The following RASAL2 variants were observed in gnomAD, a reference collection of about 807,000 sequenced individuals.
RASAL2 encodes the protein ras GTPase-activating protein nGAP.
RASAL2 carries 58 observed loss-of-function variants against 128.9 expected under a neutral mutation model. That is an observed-to-expected ratio of 0.45 (90% confidence interval 0.36 to 0.56). The LOEUF (loss-of-function observed/expected upper bound fraction) is 0.56. RASAL2 is among the 20% of genes least tolerant of loss of function. The probability of loss-of-function intolerance (pLI) is 0.00; values close to 1 mark genes in which losing one functional copy is unlikely to be tolerated. For missense variants in RASAL2, 1,360 were observed against 1,601.6 expected, an observed-to-expected ratio of 0.85 and a Z score of 2.57; for synonymous variants, 561 against 580.8, an observed-to-expected ratio of 0.97 and a Z score of 0.49.
chr1:178,320,563 C>T lies in RASAL2; in HGVS notation c.457+20445C>T, dbSNP rs566503490. ...TGGGAGTGACCTGATTTTCCAGGTG[C>T]GTCCGTCACCCCTTTCTTTGACTGG... is the stretch of plus-strand genomic sequence containing the variant. On this transcript the variant is annotated intron_variant, in intron 3 of 17. Transcript: ENST00000367649. 5.9e-5 allele frequency among the ~76,000 whole-genome samples: 9 copies of T among 152,312 alleles called. No homozygotes were observed. The East Asian group carries it at 1.5e-3, about 26-fold the overall frequency.
At chr1:178,220,992 T>G (rs1663595555) in intron 1 of RASAL2, among the ~76,000 whole-genome samples, 3 of 152,242 alleles carry the variant, frequency 2.0e-5, no homozygotes, top group Admixed American at 2.0e-4. Context: ...TTAAAGAAAC[T>G]GCCAAATCGT....
At chr1:178,273,173 T>A (rs1015967577) in intron 1 of RASAL2, among the ~76,000 whole-genome samples, 2 of 152,156 alleles carry the variant, frequency 1.3e-5, no homozygotes, top group East Asian at 1.9e-4. Flanking sequence ...TCTTCTAAGA[T>A]AATGGAAAAG....
chr1:178,354,835 T>A (rs1387017049), intron 3 of RASAL2, among the ~76,000 whole-genome samples: 1 of 152,242 alleles, frequency 6.6e-6, no homozygotes, highest in African/African-American at 2.4e-5. Context: ...ATATACTACG[T>A]TTCTGGAGTT....
At chr1:178,160,310 G>A (rs1661234165) in intron 1 of RASAL2, among the ~76,000 whole-genome samples, 1 of 152,136 alleles carries the variant, frequency 6.6e-6, no homozygotes, top group South Asian at 2.1e-4. Context: ...ATTAAGATCA[G>A]GTTGGTAATA....
intron 1 of RASAL2, among the ~76,000 whole-genome samples, chr1:178,116,185 A>G (rs760182383): frequency 6.6e-6 from 1 of 152,182 alleles, no homozygotes; most frequent in Non-Finnish European, 1.5e-5. Context: ...CTGAATTTCT[A>G]TTAAACTTTG....
At chr1:178,416,147 G>A (rs768430165) in intron 4 of RASAL2, among the ~76,000 whole-genome samples, 8 of 151,956 alleles carry the variant, frequency 5.3e-5, no homozygotes, top group Admixed American at 2.6e-4. Flanking sequence ...GTCTTCCACT[G>A]TTTATAACCT....
At chr1:178,469,771 C>T (rs1648093316) in intron 17 of RASAL2, among the ~76,000 whole-genome samples, 1 of 152,200 alleles carries the variant, frequency 6.6e-6, no homozygotes, top group Admixed American at 6.5e-5. Flanking sequence ...AAGGACCACA[C>T]TCTCAACTAA....
At chr1:178,399,715 C>G (rs1452077777) in intron 4 of RASAL2, among the ~76,000 whole-genome samples, 1 of 152,192 alleles carries the variant, frequency 6.6e-6, no homozygotes, top group Admixed American at 6.5e-5. Context: ...TATAATAGTA[C>G]GTTTAATGAC....
intron 1 of RASAL2, among the ~76,000 whole-genome samples, chr1:178,192,924 T>C (rs1662539595): frequency 6.6e-6 from 1 of 152,082 alleles, no homozygotes; most frequent in Non-Finnish European, 1.5e-5. Context: ...TATGTGCACA[T>C]TTCCAGTTCC....
rs111613283 is a variant in RASAL2 at position 178,238,303 on chromosome 1, A to G, written c.203-45261A>G. 2.9e-4 allele frequency among the ~76,000 whole-genome samples: 44 copies of G among 152,270 alleles called. No homozygotes were observed. In the South Asian group the frequency reaches 6.2e-3, roughly 22 times the overall value. Reference sequence around the variant, plus strand: ...TGTATGGATATACTATATTTCATTTATACATTCATCATTTGGTGGACATTT... The same window carrying G: ...TGTATGGATATACTATATTTCATTTGTACATTCATCATTTGGTGGACATTT... On this transcript the variant is annotated intron_variant, in intron 1 of 17. Transcript: ENST00000367649.
At chr1:178,415,657 A>G (rs1215888689) in intron 4 of RASAL2, among the ~76,000 whole-genome samples, 1 of 152,100 alleles carries the variant, frequency 6.6e-6, no homozygotes, top group Non-Finnish European at 1.5e-5. Context: ...CATTTCTGAT[A>G]GATAGGTGTG....
intron 1 of RASAL2, among the ~76,000 whole-genome samples, chr1:178,227,317 A>C (rs1204204784): frequency 6.6e-6 from 1 of 152,104 alleles, no homozygotes; most frequent in Non-Finnish European, 1.5e-5. Context: ...TTATTCCCCT[A>C]ACTCCATCTT....
intron 3 of RASAL2, among the ~76,000 whole-genome samples, chr1:178,326,012 G>A (rs1431876213): frequency 1.3e-5 from 2 of 152,058 alleles, no homozygotes; most frequent in African/African-American, 4.8e-5. Context: ...GATCACTTGA[G>A]CCCAGGAGTT....
chr1:178,279,081 AT>A (rs1402900444), intron 1 of RASAL2, among the ~76,000 whole-genome samples: 22 of 152,310 alleles, frequency 1.4e-4, no homozygotes, highest in African/African-American at 5.1e-4. Context: ...ATGACTTAGT[AT>A]TTTGAATGCT....
rs529766147 is a variant in RASAL2 at position 178,407,818 on chromosome 1, A to C, written c.565-12693A>C. ...AACGCAGCAGTGCTAGGATGCTGGC[A>C]AGGCATTGTCCCTTATTACCCCCAC... On this transcript the variant is annotated intron_variant, in intron 4 of 17. Transcript: ENST00000367649. 2.0e-5 allele frequency among the ~76,000 whole-genome samples: 3 copies of C among 152,332 alleles called. No individual in the cohort carries two copies. The South Asian group carries it at 6.2e-4, about 32-fold the overall frequency.
At chr1:178,410,667 T>C (rs1028533927) in intron 4 of RASAL2, among the ~76,000 whole-genome samples, 17 of 143,104 alleles carry the variant, frequency 1.2e-4, no homozygotes, top group African/African-American at 4.4e-4. Flanking sequence ...CTCAAACAAA[T>C]CAAGAAAAAA....
chr1:178,220,509 A>G (rs139502203), intron 1 of RASAL2, among the ~76,000 whole-genome samples: 3 of 152,384 alleles, frequency 2.0e-5, no homozygotes, highest in Non-Finnish European at 4.4e-5. Context: ...TGTGAGAATT[A>G]CTACGGGTGA....
At chr1:178,148,944 A>G (rs575333849) in intron 1 of RASAL2, among the ~76,000 whole-genome samples, 1 of 152,326 alleles carries the variant, frequency 6.6e-6, no homozygotes, top group African/African-American at 2.4e-5. Context: ...CCGATCTGGA[A>G]AACAAACGAC....
chr1:178,460,876 C>T (rs1228654326), intron 14 of RASAL2, among the ~76,000 whole-genome samples: 4 of 152,042 alleles, frequency 2.6e-5, no homozygotes, highest in Admixed American at 6.6e-5. Flanking sequence ...TGCAGTGGCA[C>T]GATCTCGGCT....
Sources: allele counts gnomAD v4.1 joint callset (sites outside exome capture counted in the v4.1 genomes callset), GRCh38; gene constraint gnomAD v4.1.1; transcripts MANE v1.5; gene names NCBI Gene and HGNC (gene_info 2026-07-23, HGNC 2026-07-21).